MALRD1: variants seen among roughly 807,000 people sequenced by gnomAD.
MALRD1 encodes the protein MAM and LDL-receptor class A domain-containing protein 1.
In MALRD1, 247 loss-of-function variants were observed where a neutral mutation model predicts 242.1. That is an observed-to-expected ratio of 1.02 (90% CI 0.92 to 1.13). MALRD1 has a LOEUF of 1.13. Among genes scored for constraint, MALRD1 ranks in the 50% most tolerant of loss-of-function variants. The pLI is 0.00. For missense variants in MALRD1, 2,989 were observed against 2,533.1 expected, an observed-to-expected ratio of 1.18 and a Z score of -3.86; for synonymous variants, 995 against 866.6, an observed-to-expected ratio of 1.15 and a Z score of -2.60.
At chr10:19,563,886 G>A (rs1836128768) in intron 32 of MALRD1, among the ~76,000 whole-genome samples, 1 of 151,322 alleles carries the variant, frequency 6.6e-6, no homozygotes, top group African/African-American at 2.4e-5. Flanking sequence ...TCTTATGGCT[G>A]ATAGTGAGTT....
In MALRD1 at chr10:19,114,806, C is replaced by T. The variant is rs142194365; in HGVS notation, c.695-8686C>T. 3.8e-3 allele frequency among the ~76,000 whole-genome samples: 583 copies of T among 152,260 alleles called. 3 individuals are homozygous for T. Among genetic ancestry groups the T allele is most frequent in the Middle Eastern group, 0.014 (4 of 294 alleles). ...TTTCTTGATTATTGAGGCCAGACAT[C>T]CAAGTTCAAAATGTCAGCAGGATTG... On this transcript the variant is annotated intron_variant, in intron 5 of 39. Coordinates refer to ENST00000454679, the MANE Select transcript of MALRD1 (RefSeq NM_001142308.3).
At chr10:19,599,658 G>A (rs1468008258) in intron 34 of MALRD1, among the ~76,000 whole-genome samples, 6 of 152,070 alleles carry the variant, frequency 3.9e-5, no homozygotes, top group Admixed American at 3.9e-4. Flanking sequence ...TTAATAAGGG[G>A]ATTGTTTATT....
intron 28 of MALRD1, among the ~76,000 whole-genome samples, chr10:19,403,240 A>C (rs1846947933): frequency 6.6e-6 from 1 of 152,168 alleles, no homozygotes; most frequent in Admixed American, 6.6e-5. Flanking sequence ...TCCATGAATA[A>C]AAAATAGAAG....
Position 19,066,760 on chromosome 10 carries a change from C to G in MALRD1, c.241C>G (p.His81Asp). Reference protein sequence around the residue: ...ERCDFEDGLCHMTQDQSLQPS... With the variant: ...ERCDFEDGLCDMTQDQSLQPS... ...ATGTGATTTTGAGGATGGTCTCTGTCATATGACTCAAGATCAGAGTCTGCA... is the reference window on the plus strand; with the variant it reads ...ATGTGATTTTGAGGATGGTCTCTGTGATATGACTCAAGATCAGAGTCTGCA... Residue 81 changes from histidine to aspartate, a missense_variant, in exon 2 of 40, where the codon CAT (histidine) becomes GAT (aspartate). His to Asp is a moderately conservative substitution (Grantham distance 81, BLOSUM62 -1). Transcript: ENST00000454679. 13 of 1,233,630 alleles carry G rather than the reference C, an allele frequency of 1.1e-5. No individual in the cohort carries two copies. The highest frequency in any genetic ancestry group is 1.2e-5 in the Non-Finnish European group (12 of 987,960). 76.4% of individuals were successfully genotyped at this position (1,233,630 alleles called of 1,614,324 possible). A position where few individuals can be genotyped will look rare whatever the true frequency, so the allele number is the denominator to read the frequency against.
chr10:19,620,243 G>T (rs1190369584), intron 36 of MALRD1, among the ~76,000 whole-genome samples: 2 of 151,784 alleles, frequency 1.3e-5, no homozygotes, highest in Non-Finnish European at 2.9e-5. Flanking sequence ...CAGAGGTGTG[G>T]TGTACAGATT....
At chr10:19,124,723 G>T in intron 7 of MALRD1, 53 bp downstream of exon 7, 1 of 1,223,036 alleles carries the variant, frequency 8.2e-7, no homozygotes, top group Non-Finnish European at 1.0e-6. Flanking sequence ...TCTGCTTTAT[G>T]GTGACTAGTT....
At chr10:19,674,094 C>T (rs971685789) in intron 36 of MALRD1, among the ~76,000 whole-genome samples, 1 of 152,058 alleles carries the variant, frequency 6.6e-6, no homozygotes, top group East Asian at 1.9e-4. Flanking sequence ...GTTAAGACCT[C>T]AATTCCATGA....
intron 38 of MALRD1, among the ~76,000 whole-genome samples, chr10:19,726,134 AC>A (rs1835014794): frequency 6.6e-6 from 1 of 152,366 alleles, no homozygotes; most frequent in Admixed American, 6.5e-5. Context: ...CTTTTGTGCA[AC>A]AAAAGACATT....
chr10:19,651,674 G>A (rs1285763162), intron 36 of MALRD1, among the ~76,000 whole-genome samples: 1 of 152,126 alleles, frequency 6.6e-6, no homozygotes, highest in Non-Finnish European at 1.5e-5. Flanking sequence ...TATAATGGGA[G>A]AGACAGATGA....
chr10:19,539,916 ACACAC>A (rs2131373815), intron 32 of MALRD1, among the ~76,000 whole-genome samples: 1 of 46,812 alleles, frequency 2.1e-5, no homozygotes, highest in Non-Finnish European at 5.2e-5. Flanking sequence ...GCGTGCGCGC[ACACAC>A]GCGCAGTGAT....
At chr10:19,227,627 A>G (rs1286044340) in intron 18 of MALRD1, among the ~76,000 whole-genome samples, 1 of 152,108 alleles carries the variant, frequency 6.6e-6, no homozygotes, top group Admixed American at 6.6e-5. Context: ...ATGAAATTAA[A>G]ACGTTTGCAA....
intron 32 of MALRD1, among the ~76,000 whole-genome samples, chr10:19,540,882 A>G (rs569603212): frequency 1.6e-4 from 25 of 152,332 alleles, no homozygotes; most frequent in African/African-American, 5.1e-4. Context: ...TGGGAGGCCA[A>G]AGCAGGAGGA....
intron 18 of MALRD1, among the ~76,000 whole-genome samples, chr10:19,237,721 T>C (rs1334926812): frequency 8.9e-6 from 1 of 112,942 alleles, no homozygotes; most frequent in Non-Finnish European, 1.8e-5. Flanking sequence ...TATTTATATA[T>C]AAATATATAA....
intron 33 of MALRD1, among the ~76,000 whole-genome samples, chr10:19,580,938 T>A (rs943735377): frequency 5.3e-5 from 8 of 152,056 alleles, no homozygotes; most frequent in Admixed American, 6.6e-5. Context: ...CAAATAGAGG[T>A]CAAATAGAGG....
At chr10:19,185,180 A>G (rs973852727) in intron 14 of MALRD1, among the ~76,000 whole-genome samples, 1 of 152,212 alleles carries the variant, frequency 6.6e-6, no homozygotes, top group African/African-American at 2.4e-5. Flanking sequence ...CCTACATTGT[A>G]TTAACAGGAC....
In MALRD1 at chr10:19,212,384, T is replaced by A. The variant is rs1389854292; in HGVS notation, c.2991+2704T>A. ...TTTATGTTTTTTTCTCTGCATGTTT[T>A]ACCTCTAGAGTCTGCCTTGTTTCAT... On this transcript the variant is annotated intron_variant, in intron 18 of 39. Transcript: ENST00000454679. 3.9e-5 allele frequency among the ~76,000 whole-genome samples: 6 copies of A among 152,370 alleles called. No individual in the cohort carries two copies. The East Asian group carries it at 9.6e-4, about 24-fold the overall frequency.
At chr10:19,186,667 AT>A (rs372365774) in intron 14 of MALRD1, among the ~76,000 whole-genome samples, 19 of 151,410 alleles carry the variant, frequency 1.3e-4, no homozygotes, top group African/African-American at 3.2e-4. Flanking sequence ...GAGAGAGTGG[AT>A]TTTTTTTTCC....
At chr10:19,218,975 T>C (rs1373166461) in intron 18 of MALRD1, among the ~76,000 whole-genome samples, 2 of 152,112 alleles carry the variant, frequency 1.3e-5, no homozygotes, top group African/African-American at 2.4e-5. Context: ...GTTTTAGTAA[T>C]CTAATTATTT....
chr10:19,378,492 A>G (rs1302001204), intron 26 of MALRD1, among the ~76,000 whole-genome samples: 1 of 152,192 alleles, frequency 6.6e-6, no homozygotes, highest in Non-Finnish European at 1.5e-5. Flanking sequence ...GAAAGAACAC[A>G]GGGCCTGTGA....
Sources: allele counts gnomAD v4.1 joint callset (sites outside exome capture counted in the v4.1 genomes callset), GRCh38; gene constraint gnomAD v4.1.1; transcripts MANE v1.5; gene names NCBI Gene and HGNC (gene_info 2026-07-23, HGNC 2026-07-21).